FGF12: variants seen among roughly 807,000 people sequenced by gnomAD.
FGF12 encodes the protein fibroblast growth factor 12.
In FGF12, 14 loss-of-function variants were observed where a neutral mutation model predicts 23.6. The observed-to-expected ratio is 0.59, with a 90% CI of 0.39 to 0.93. FGF12 has a LOEUF of 0.93. Among genes scored for constraint, FGF12 ranks in the 40% least tolerant of loss-of-function variants. The pLI, the probability that FGF12 is intolerant of heterozygous loss-of-function variation, is 0.00. For missense variants in FGF12, 175 were observed against 217.8 expected (o/e 0.80, Z 1.24); for synonymous variants, 62 against 77.3 (o/e 0.80, Z 1.04).
chr3:192,322,486 A>G (rs986005005), intron 4 of FGF12, among the ~76,000 whole-genome samples: 1 of 142,402 alleles, frequency 7.0e-6, no homozygotes, highest in Non-Finnish European at 1.5e-5. Context: ...TTTATAATTT[A>G]TATTAAACCA....
chr3:192,210,787 G>C (rs1029229663), intron 4 of FGF12, among the ~76,000 whole-genome samples: 1 of 152,180 alleles, frequency 6.6e-6, no homozygotes, highest in Non-Finnish European at 1.5e-5. Flanking sequence ...GAGGAAATGA[G>C]TGCTATTAGA....
chr3:192,172,337 A>AGAG (rs1382785084), intron 4 of FGF12, among the ~76,000 whole-genome samples: 8 of 150,298 alleles, frequency 5.3e-5, no homozygotes, highest in African/African-American at 1.9e-4. Flanking sequence ...TGCAGTGAGC[A>AGAG]GAGATTACAC....
intron 2 of FGF12, among the ~76,000 whole-genome samples, chr3:192,707,251 G>A (rs1203020867): frequency 1.3e-5 from 2 of 152,150 alleles, no homozygotes; most frequent in Non-Finnish European, 2.9e-5. Context: ...CCTGAGAAGT[G>A]CAATCTCAGT....
intron 4 of FGF12, among the ~76,000 whole-genome samples, chr3:192,289,784 A>G (rs1180625361): frequency 6.6e-6 from 1 of 152,194 alleles, no homozygotes; most frequent in Non-Finnish European, 1.5e-5. Context: ...TGTCCAATAA[A>G]TGCCAGTTCT....
chr3:192,300,240 G>C (rs947729718), intron 4 of FGF12, among the ~76,000 whole-genome samples: 14 of 152,196 alleles, frequency 9.2e-5, no homozygotes, highest in Admixed American at 7.9e-4. Context: ...CTAGCCACCA[G>C]TGGTACTTAC....
intron 2 of FGF12, among the ~76,000 whole-genome samples, chr3:192,573,158 G>C (rs958742162): frequency 1.3e-5 from 2 of 151,922 alleles, no homozygotes; most frequent in Non-Finnish European, 2.9e-5. Context: ...TGTAGGATAG[G>C]GGTTCTCAGT....
intron 4 of FGF12, among the ~76,000 whole-genome samples, chr3:192,190,232 T>A (rs1716705486): frequency 6.6e-6 from 1 of 152,118 alleles, no homozygotes; most frequent in African/African-American, 2.4e-5. Context: ...ATAACAAGCA[T>A]ACAAACAAAA....
intron 4 of FGF12, among the ~76,000 whole-genome samples, chr3:192,221,781 A>T (rs1333114037): frequency 1.3e-5 from 2 of 152,170 alleles, no homozygotes; most frequent in Non-Finnish European, 2.9e-5. Context: ...ATATCACGAA[A>T]ATATTTAAGA....
chr3:192,504,252 C>A lies in FGF12; in HGVS notation c.14-143714G>T, dbSNP rs542109842. Among the ~76,000 whole-genome samples the A allele has an allele frequency of 4.6e-5, 7 of 152,092 alleles. 1 individual carries two copies. In the South Asian group the frequency reaches 1.5e-3, roughly 32 times the overall value. ...TTCTATTGGGTACTATGCTTAGTACCTGCGTGATGAAATAACCTGTACCCC... is the reference window on the plus strand; with the variant it reads ...TTCTATTGGGTACTATGCTTAGTACATGCGTGATGAAATAACCTGTACCCC... On this transcript the variant is annotated intron_variant, in intron 2 of 5. Transcript: ENST00000445105.
At chr3:192,260,398 AG>A (rs1467684949) in intron 4 of FGF12, among the ~76,000 whole-genome samples, 1 of 152,222 alleles carries the variant, frequency 6.6e-6, no homozygotes, top group Non-Finnish European at 1.5e-5. Flanking sequence ...TCAGTGGCTA[AG>A]AAATCACACT....
At chr3:192,708,643 C>T (rs1428424089) in intron 2 of FGF12, among the ~76,000 whole-genome samples, 2 of 152,148 alleles carry the variant, frequency 1.3e-5, no homozygotes, top group East Asian at 3.9e-4. Context: ...ATGAAATTCA[C>T]AGCCTAGAAA....
chr3:192,257,514 C>A (rs530875119), intron 4 of FGF12, among the ~76,000 whole-genome samples: 1 of 152,202 alleles, frequency 6.6e-6, no homozygotes, highest in African/African-American at 2.4e-5. Flanking sequence ...GGGATTTTGA[C>A]TTCTTAAAGA....
rs535904783 is a variant in FGF12 at position 192,594,627 on chromosome 3, G to T, written c.13+132554C>A. Among the ~76,000 whole-genome samples the T allele has an allele frequency of 2.6e-4, 39 of 151,870 alleles. 1 individual carries two copies. The highest frequency in any genetic ancestry group is 1.6e-3 in the East Asian group (8 of 5,158). On this transcript the variant is annotated intron_variant, in intron 2 of 5. Transcript: ENST00000445105. ...TGTGAGATAATTAGGATCAGATAAG[G>T]TCTGATCCTAAACAGAGTTGGGCCC...
chr3:192,193,330 T>C (rs569667862), intron 4 of FGF12, among the ~76,000 whole-genome samples: 32 of 152,286 alleles, frequency 2.1e-4, no homozygotes, highest in African/African-American at 7.5e-4. Flanking sequence ...TCAACTCTTA[T>C]GCCTTGGATA....
intron 4 of FGF12, among the ~76,000 whole-genome samples, chr3:192,318,077 T>C (rs1275356426): frequency 6.6e-6 from 1 of 152,104 alleles, no homozygotes; most frequent in Non-Finnish European, 1.5e-5. Flanking sequence ...GCCAAAAACT[T>C]AGATCACAAC....
At chr3:192,506,852 G>A (rs370073449) in intron 2 of FGF12, among the ~76,000 whole-genome samples, 2 of 151,384 alleles carry the variant, frequency 1.3e-5, no homozygotes, top group Non-Finnish European at 2.9e-5. Context: ...AGGATATAAC[G>A]GCGAATCTGA....
At chr3:192,226,003 G>A (rs148763248) in intron 4 of FGF12, among the ~76,000 whole-genome samples, 42 of 152,246 alleles carry the variant, frequency 2.8e-4, no homozygotes, top group African/African-American at 8.2e-4. Context: ...TTTTGGGGGT[G>A]ATGAAAACCT....
chr3:192,696,084 G>A (rs1396081183), intron 2 of FGF12, among the ~76,000 whole-genome samples: 29 of 151,928 alleles, frequency 1.9e-4, no homozygotes, highest in Admixed American at 1.8e-3. Context: ...GGGTGACGGA[G>A]AAAGATTCTG....
intron 2 of FGF12, among the ~76,000 whole-genome samples, chr3:192,417,899 T>C (rs1367092737): frequency 6.6e-6 from 1 of 151,970 alleles, no homozygotes. Context: ...GCATTTAAAC[T>C]CAAAAAAGAG....
Sources: allele counts gnomAD v4.1 joint callset (sites outside exome capture counted in the v4.1 genomes callset), GRCh38; gene constraint gnomAD v4.1.1; transcripts MANE v1.5; gene names NCBI Gene and HGNC (gene_info 2026-07-23, HGNC 2026-07-21).